The following FOXO1 variants were observed in gnomAD, a reference collection of about 807,000 sequenced individuals.
FOXO1 encodes the protein forkhead box protein O1.
A neutral mutation model predicts 44.1 loss-of-function variants in FOXO1; 6 were observed. That is an observed-to-expected ratio of 0.14 (90% CI 0.07 to 0.27). FOXO1 has a LOEUF of 0.27. Ranked by LOEUF, FOXO1 falls within the 10% of genes least tolerant of loss-of-function variation. The probability of loss-of-function intolerance (pLI) is 1.00; values close to 1 mark genes in which losing one functional copy is unlikely to be tolerated. For synonymous variants in FOXO1, 380 were observed against 362.7 expected, an observed-to-expected ratio of 1.05 and a Z score of -0.54; for missense variants, 737 against 888.8, an observed-to-expected ratio of 0.83 and a Z score of 2.17.
At chr13:40,562,320 A>G (rs1874064515) in intron 1 of FOXO1, among the ~76,000 whole-genome samples, 1 of 152,178 alleles carries the variant, frequency 6.6e-6, no homozygotes, top group Non-Finnish European at 1.5e-5. Context: ...CTTCATAACT[A>G]ATCATGCCAT....
intron 1 of FOXO1, among the ~76,000 whole-genome samples, chr13:40,617,909 G>A (rs1876481759): frequency 1.3e-5 from 2 of 152,286 alleles, no homozygotes; most frequent in South Asian, 2.1e-4. Flanking sequence ...GCTCCAGAGT[G>A]CAAGCCTCAG....
At chr13:40,574,314 T>C (rs1874658338) in intron 1 of FOXO1, among the ~76,000 whole-genome samples, 1 of 152,190 alleles carries the variant, frequency 6.6e-6, no homozygotes, top group Admixed American at 6.5e-5. Context: ...AGTCAGGGCG[T>C]GTATGTCTGT....
intron 1 of FOXO1, among the ~76,000 whole-genome samples, chr13:40,611,513 G>A (rs1876229874): frequency 1.3e-5 from 2 of 152,064 alleles, no homozygotes; most frequent in African/African-American, 4.8e-5. Flanking sequence ...AAACAGTTAC[G>A]CCATAATTCT....
chr13:40,641,031 G>A (rs990160083), intron 1 of FOXO1, among the ~76,000 whole-genome samples: 2 of 152,106 alleles, frequency 1.3e-5, no homozygotes, highest in African/African-American at 2.4e-5. Context: ...TGATCCACCC[G>A]CCTTGGCCCT....
At chr13:40,598,423 T>C (rs906101885) in intron 1 of FOXO1, among the ~76,000 whole-genome samples, 1 of 152,146 alleles carries the variant, frequency 6.6e-6, no homozygotes, top group Non-Finnish European at 1.5e-5. Flanking sequence ...ATTTCTGATA[T>C]ATTATTTGCA....
At chr13:40,609,183 A>G (rs917450190) in intron 1 of FOXO1, among the ~76,000 whole-genome samples, 11 of 152,208 alleles carry the variant, frequency 7.2e-5, no homozygotes, top group African/African-American at 2.7e-4. Context: ...AGCTCAGTAG[A>G]CCTGAAATAA....
chr13:40,636,223 C>A (rs9577083), intron 1 of FOXO1, among the ~76,000 whole-genome samples: 1 of 151,328 alleles, frequency 6.6e-6, no homozygotes, highest in East Asian at 1.9e-4. Context: ...AAAAAAAAAA[C>A]AAAAAACAAA....
At chr13:40,593,340 T>C (rs1340979685) in intron 1 of FOXO1, among the ~76,000 whole-genome samples, 1 of 152,178 alleles carries the variant, frequency 6.6e-6, no homozygotes, top group African/African-American at 2.4e-5. Context: ...AGGAAATATT[T>C]TGGAATTAGA....
At chr13:40,660,948 AAACAAC>A (rs138057018) in intron 1 of FOXO1, among the ~76,000 whole-genome samples, 14,387 of 149,342 alleles carry the variant, frequency 0.096, 946 homozygotes, top group East Asian at 0.24. Flanking sequence ...TGGCTCAGAA[AAACAAC>A]AACAACAACA....
chr13:40,596,744 T>A lies in FOXO1; in HGVS notation c.631-35884A>T, dbSNP rs183971058. On this transcript the variant is annotated intron_variant, in intron 1 of 2. Coordinates refer to ENST00000379561, the MANE Select transcript of FOXO1 (RefSeq NM_002015.4). ...GTTCTCAATGAAAACGGAAGTTCCA[T>A]GCCAGCAACATCTAATTTTCAAACA... Among the ~76,000 whole-genome samples the A allele has an allele frequency of 2.3e-3, 348 of 152,320 alleles. 1 individual carries two copies. Among genetic ancestry groups the A allele is most frequent in the African/African-American group, 7.8e-3 (323 of 41,562 alleles).
chr13:40,654,169 A>T lies in FOXO1; in HGVS notation c.630+11414T>A, dbSNP rs148587940. Among the ~76,000 whole-genome samples, 555 of 151,682 alleles carry T rather than the reference A, an allele frequency of 3.7e-3. 4 individuals carry two copies. The highest frequency in any genetic ancestry group is 0.013 in the African/African-American group (540 of 41,348). On this transcript the variant is annotated intron_variant, in intron 1 of 2. Transcript: ENST00000379561. ...ACTGGAACTGCTCAAAGAATGAATGACATCTTTATTAAGACAAACATCATC... is the reference window on the plus strand; with the variant it reads ...ACTGGAACTGCTCAAAGAATGAATGTCATCTTTATTAAGACAAACATCATC...
At chr13:40,597,560 T>C (rs1875629522) in intron 1 of FOXO1, among the ~76,000 whole-genome samples, 1 of 152,204 alleles carries the variant, frequency 6.6e-6, no homozygotes, top group African/African-American at 2.4e-5. Context: ...CAAGGTCCTG[T>C]GCCAAAATGG....
At chr13:40,657,318 T>C (rs1490880428) in intron 1 of FOXO1, among the ~76,000 whole-genome samples, 2 of 127,378 alleles carry the variant, frequency 1.6e-5, no homozygotes, top group South Asian at 2.8e-4. Context: ...TCCTTTTTTT[T>C]CTTTTTTTTT....
At chr13:40,608,562 C>A (rs1478579573) in intron 1 of FOXO1, among the ~76,000 whole-genome samples, 1 of 152,210 alleles carries the variant, frequency 6.6e-6, no homozygotes, top group African/African-American at 2.4e-5. Context: ...GTCAAAAATG[C>A]ATATTTCTCC....
intron 1 of FOXO1, among the ~76,000 whole-genome samples, chr13:40,571,201 A>G (rs1874477567): frequency 6.6e-6 from 1 of 150,918 alleles, no homozygotes; most frequent in Non-Finnish European, 1.5e-5. Context: ...GAAGGGGAAC[A>G]TCACACACCG....
Position 40,572,210 on chromosome 13 carries a change from C to T in FOXO1, c.631-11350G>A, listed in dbSNP as rs1874551945. Among the ~76,000 whole-genome samples the T allele has an allele frequency of 2.0e-5, 3 of 152,150 alleles. No homozygotes were observed. In the South Asian group the frequency reaches 6.2e-4, roughly 32 times the overall value. ...GACAATATCCCACCCATAGCATGTACTACGTAGAACTGTTTTTATCCTAAA... is the reference window on the plus strand; with the variant it reads ...GACAATATCCCACCCATAGCATGTATTACGTAGAACTGTTTTTATCCTAAA... On this transcript the variant is annotated intron_variant, in intron 1 of 2. Transcript: ENST00000379561.
intron 1 of FOXO1, among the ~76,000 whole-genome samples, chr13:40,591,934 G>A (rs557601576): frequency 3.9e-4 from 60 of 152,028 alleles, no homozygotes; most frequent in Non-Finnish European, 7.8e-4. Context: ...CTCGAGTTCC[G>A]GGCCTCAAGT....
intron 1 of FOXO1, among the ~76,000 whole-genome samples, chr13:40,618,351 T>C (rs903175579): frequency 6.6e-6 from 1 of 152,158 alleles, no homozygotes; most frequent in Non-Finnish European, 1.5e-5. Context: ...GCTGGGATTA[T>C]AGGCATGAGC....
chr13:40,626,191 C>A (rs909067644), intron 1 of FOXO1, among the ~76,000 whole-genome samples: 1 of 152,138 alleles, frequency 6.6e-6, no homozygotes, highest in African/African-American at 2.4e-5. Flanking sequence ...AATAGAACAA[C>A]AGAATAACAA....
Sources: allele counts gnomAD v4.1 joint callset (sites outside exome capture counted in the v4.1 genomes callset), GRCh38; gene constraint gnomAD v4.1.1; transcripts MANE v1.5; gene names NCBI Gene and HGNC (gene_info 2026-07-23, HGNC 2026-07-21).